Variants in SPTLC3 observed in about 807,000 individuals in gnomAD.
The protein encoded by SPTLC3 is serine palmitoyltransferase long chain base subunit 3.
SPTLC3 carries 36 observed loss-of-function variants against 59.3 expected under a neutral mutation model. That is an observed-to-expected ratio of 0.61 (90% CI 0.47 to 0.80). SPTLC3 has a LOEUF of 0.80. SPTLC3 is among the 30% of genes least tolerant of loss of function. The probability of loss-of-function intolerance (pLI) is 0.00; values close to 1 mark genes in which losing one functional copy is unlikely to be tolerated. For synonymous variants in SPTLC3, 257 were observed against 240.8 expected, an observed-to-expected ratio of 1.07 and a Z score of -0.62; for missense variants, 625 against 685.1, an observed-to-expected ratio of 0.91 and a Z score of 0.98.
At chr20:13,087,959 C>A (rs114973926) in intron 4 of SPTLC3, among the ~76,000 whole-genome samples, 2,181 of 152,284 alleles carry the variant, frequency 0.014, 49 homozygotes, top group African/African-American at 0.049. Context: ...CGTGCAACAT[C>A]GGGAAAGCCT....
intron 4 of SPTLC3, among the ~76,000 whole-genome samples, chr20:13,082,775 C>T (rs1405358566): frequency 6.6e-6 from 1 of 152,182 alleles, no homozygotes; most frequent in South Asian, 2.1e-4. Context: ...ATCAGCCAAA[C>T]ACCAAGCTCC....
chr20:13,110,314 C>T lies in SPTLC3; in HGVS notation c.932+97C>T, dbSNP rs538456455. The stretch of plus-strand genomic sequence containing the variant: ...CTTTCCTAGCTAAACAGAGAAATGA[C>T]TTAGAATTGGTTATATGACACAGGG... On this transcript the variant is annotated intron_variant, in intron 7 of 11. Coordinates refer to ENST00000399002, the MANE Select transcript of SPTLC3 (RefSeq NM_018327.4). 7.1e-5 allele frequency: 73 copies of T among 1,032,360 alleles called. No individual in the cohort carries two copies. In the South Asian group the frequency reaches 1.1e-3, roughly 15 times the overall value. The allele number at this position is 1,032,360 out of a possible 1,614,324, so 63.9% of individuals were successfully genotyped here. A position where few individuals can be genotyped will look rare whatever the true frequency, so the allele number is the denominator to read the frequency against.
At chr20:13,051,808 T>G (rs1987503840) in intron 2 of SPTLC3, among the ~76,000 whole-genome samples, 1 of 152,072 alleles carries the variant, frequency 6.6e-6, no homozygotes, top group Non-Finnish European at 1.5e-5. Context: ...TGCAAATACA[T>G]GGAAATTAAA....
intron 9 of SPTLC3, chr20:13,132,939 G>A (rs41275398): frequency 0.043 from 6,652 of 153,358 alleles, 176 homozygotes; most frequent in African/African-American, 0.075. Flanking sequence ...CCTGTCCCCC[G>A]CCTGTCCTCT....
chr20:13,097,485 G>GA lies in SPTLC3; in HGVS notation c.826+3917dup, dbSNP rs915173525. 5.8e-3 allele frequency among the ~76,000 whole-genome samples: 869 copies of GA among 150,892 alleles called. 13 individuals are homozygous for GA. The highest frequency in any genetic ancestry group is 9.0e-3 in the Non-Finnish European group (611 of 67,582). On this transcript the variant is annotated intron_variant, in intron 6 of 11. Coordinates refer to ENST00000399002, the MANE Select transcript of SPTLC3 (RefSeq NM_018327.4). ...GTTAAAGCTTTGAACAGCACTGGAT[G>GA]AAAAAAAAATAATAATTCTGAAGAT...
At chr20:13,072,216 G>A in intron 2 of SPTLC3, 40 bp from the exon 3 acceptor site, 1 of 1,567,366 alleles carries the variant, frequency 6.4e-7, no homozygotes. Context: ...AATCCAGAAA[G>A]CAAAGAACCA....
chr20:13,048,320 T>C (rs988706935), intron 1 of SPTLC3, among the ~76,000 whole-genome samples: 1 of 152,244 alleles, frequency 6.6e-6, no homozygotes, highest in Non-Finnish European at 1.5e-5. Flanking sequence ...ACACTGGATT[T>C]ACTTGTTTCC....
intron 5 of SPTLC3, among the ~76,000 whole-genome samples, chr20:13,092,308 TC>T (rs1989252049): frequency 6.6e-6 from 1 of 152,214 alleles, no homozygotes; most frequent in East Asian, 1.9e-4. Flanking sequence ...TTGAAATTGT[TC>T]CTCAGAAAAA....
chr20:13,142,347 G>A (rs1322995567), intron 9 of SPTLC3, among the ~76,000 whole-genome samples: 2 of 152,192 alleles, frequency 1.3e-5, no homozygotes, highest in African/African-American at 4.8e-5. Flanking sequence ...CCTGAGATGG[G>A]GGAGTGGTGA....
intron 8 of SPTLC3, among the ~76,000 whole-genome samples, chr20:13,124,982 G>A (rs118156295): frequency 2.1e-3 from 315 of 152,276 alleles, no homozygotes; most frequent in Non-Finnish European, 4.0e-3. Context: ...GAGCTGTGCC[G>A]TTATTCTAAA....
intron 2 of SPTLC3, among the ~76,000 whole-genome samples, chr20:13,056,049 C>T (rs1987708987): frequency 6.6e-6 from 1 of 152,106 alleles, no homozygotes; most frequent in Non-Finnish European, 1.5e-5. Context: ...TGTAAGCCTC[C>T]AATGCTCCTA....
At chr20:13,013,124 T>C (rs926578476) in intron 1 of SPTLC3, among the ~76,000 whole-genome samples, 10 of 152,184 alleles carry the variant, frequency 6.6e-5, no homozygotes, top group Non-Finnish European at 1.5e-5. Context: ...GTGGCTGAGG[T>C]GGTGCTCAGC....
intron 10 of SPTLC3, among the ~76,000 whole-genome samples, chr20:13,159,274 G>C (rs6109730): frequency 6.6e-6 from 1 of 152,172 alleles, no homozygotes; most frequent in Non-Finnish European, 1.5e-5. Context: ...TAGGCTGTAA[G>C]GTTCTCTGCG....
At chr20:13,122,635 G>A (rs769721451) in intron 8 of SPTLC3, among the ~76,000 whole-genome samples, 6 of 152,210 alleles carry the variant, frequency 3.9e-5, no homozygotes, top group Non-Finnish European at 7.3e-5. Context: ...CTACCTTAAA[G>A]AGTTATTGTG....
chr20:13,031,592 G>T (rs1376650132), intron 1 of SPTLC3, among the ~76,000 whole-genome samples: 1 of 152,102 alleles, frequency 6.6e-6, no homozygotes, highest in South Asian at 2.1e-4. Context: ...GTCTTAAAAG[G>T]TTCTATTTTT....
intron 11 of SPTLC3, among the ~76,000 whole-genome samples, chr20:13,164,170 G>A (rs1287599844): frequency 6.6e-6 from 1 of 151,970 alleles, no homozygotes; most frequent in African/African-American, 2.4e-5. Context: ...GTGCAAAATG[G>A]GGGATACATG....
chr20:13,140,268 G>A (rs568157771), intron 9 of SPTLC3, among the ~76,000 whole-genome samples: 2 of 152,076 alleles, frequency 1.3e-5, no homozygotes, highest in Non-Finnish European at 1.5e-5. Flanking sequence ...AACATGAACT[G>A]ATTAGGCTAA....
intron 6 of SPTLC3, among the ~76,000 whole-genome samples, chr20:13,105,264 G>A (rs1281764717): frequency 1.5e-5 from 2 of 134,802 alleles, no homozygotes; most frequent in African/African-American, 6.4e-5. Flanking sequence ...TCCCCTGCAG[G>A]AGGAAAAAAA....
intron 6 of SPTLC3, among the ~76,000 whole-genome samples, chr20:13,109,323 G>A (rs1301466355): frequency 6.6e-6 from 1 of 152,234 alleles, no homozygotes; most frequent in East Asian, 1.9e-4. Flanking sequence ...AGGCAGCAAA[G>A]GGTAGTGTTA....
Sources: gnomAD v4.1 joint callset for allele counts (sites outside exome capture counted in the v4.1 genomes callset) on GRCh38, gnomAD v4.1.1 for gene constraint, MANE v1.5 for transcripts, NCBI Gene and HGNC (gene_info 2026-07-23, HGNC 2026-07-21) for gene names.